ADAM7: variants seen among roughly 807,000 people sequenced by gnomAD.
The protein encoded by ADAM7 is ADAM metallopeptidase domain 7, also known as disintegrin and metalloproteinase domain-containing protein 7.
ADAM7 carries 97 observed loss-of-function variants against 102.9 expected under a neutral mutation model. The observed-to-expected ratio is 0.94, with a 90% CI of 0.80 to 1.12. The LOEUF is 1.12. ADAM7 is among the 50% of genes most tolerant of loss of function. The pLI is 0.00. For synonymous variants in ADAM7, 334 were observed against 304.4 expected, an observed-to-expected ratio of 1.10 and a Z score of -1.01; for missense variants, 991 against 908.7, an observed-to-expected ratio of 1.09 and a Z score of -1.16.
chr8:24,467,419 T>G (rs1391917609), intron 6 of ADAM7: 2 of 175,802 alleles, frequency 1.1e-5, no homozygotes, highest in African/African-American at 4.7e-5. Context: ...CAAGTTCAGT[T>G]TTTGGTGGGA....
At chr8:24,480,585 A>G (rs1313122553) in intron 8 of ADAM7, among the ~76,000 whole-genome samples, 1 of 152,182 alleles carries the variant, frequency 6.6e-6, no homozygotes, top group East Asian at 1.9e-4. Context: ...TGTTCTTATG[A>G]GAAGAAAATA....
intron 3 of ADAM7, among the ~76,000 whole-genome samples, chr8:24,456,404 TTGGC>T (rs2129377880): frequency 6.6e-6 from 1 of 152,330 alleles, no homozygotes; most frequent in South Asian, 2.1e-4. Context: ...ATTCCATAAT[TTGGC>T]TATTGTGAAT....
Position 24,482,165 on chromosome 8 carries a change from T to C in ADAM7, c.729T>C (p.His243=). ...AGATTTATAAAACCTTAAACATCCA[T>C]GTGACGTTGGTTGGCATTGAAATAT... is the stretch of plus-strand genomic sequence containing the variant. ...VNMIYKTLNI[H]VTLVGIEIWT... Residue 243 remains histidine (H), a synonymous_variant, in exon 9 of 22, where the codon CAT becomes CAC. Coordinates refer to ENST00000175238, the MANE Select transcript of ADAM7 (RefSeq NM_003817.4). The C allele has an allele frequency of 6.3e-7, 1 of 1,590,898 alleles. No homozygotes were observed. Among genetic ancestry groups the C allele is most frequent in the Non-Finnish European group, 8.5e-7 (1 of 1,173,660 alleles).
At chr8:24,465,029 C>A (rs896877443) in intron 4 of ADAM7, among the ~76,000 whole-genome samples, 3 of 152,246 alleles carry the variant, frequency 2.0e-5, no homozygotes, top group Non-Finnish European at 2.9e-5. Context: ...TTGTGATCCA[C>A]CCGCCTTGGC....
At position 24,492,586 on chromosome 8, in the gene ADAM7, C is replaced by T. The variant is rs369793122; in HGVS notation, c.1644C>T (p.Pro548=). 26 of 1,611,460 alleles carry T rather than the reference C, an allele frequency of 1.6e-5. No individual in the cohort carries two copies. Among genetic ancestry groups the T allele is most frequent in the Non-Finnish European group, 2.0e-5 (24 of 1,178,428 alleles). Residue 548 remains proline, a synonymous_variant, in exon 15 of 22, where the codon CCC becomes CCT. Coordinates refer to ENST00000175238, the MANE Select transcript of ADAM7 (RefSeq NM_003817.4). ...AAAACAAGGAAAACAGATTTCTTCC[C>T]TGTGAGGAGAAGTAAGTGCCCTGTG... is the stretch of plus-strand genomic sequence containing the variant. ...YCKNKENRFL[P]CEEKDVRCGK... is the part of the protein sequence containing the mutation.
At chr8:24,454,704 C>T (rs747649761) in intron 3 of ADAM7, among the ~76,000 whole-genome samples, 6 of 152,098 alleles carry the variant, frequency 3.9e-5, no homozygotes, top group East Asian at 1.9e-4. Flanking sequence ...GAGATGAACC[C>T]GGTACCTCAG....
chr8:24,479,590 C>G (rs941329412), intron 8 of ADAM7, among the ~76,000 whole-genome samples: 1 of 152,112 alleles, frequency 6.6e-6, no homozygotes, highest in Non-Finnish European at 1.5e-5. Flanking sequence ...CTGTCTCCCA[C>G]TGTGGTTGTT....
intron 3 of ADAM7, among the ~76,000 whole-genome samples, chr8:24,448,774 G>A (rs1239158148): frequency 6.6e-6 from 1 of 151,804 alleles, no homozygotes; most frequent in Non-Finnish European, 1.5e-5. Flanking sequence ...TCGTCATTTA[G>A]CATTAGGTAT....
At chr8:24,444,913 A>G (rs541013325) in intron 2 of ADAM7, among the ~76,000 whole-genome samples, 1 of 152,290 alleles carries the variant, frequency 6.6e-6, no homozygotes, top group South Asian at 2.1e-4. Context: ...GCTAATAAAC[A>G]GGGAAACCTG....
Position 24,473,326 on chromosome 8 carries a change from T to C in ADAM7, c.634-3107T>C, listed in dbSNP as rs75618439. The stretch of plus-strand genomic sequence containing the variant: ...TCAATGACTCATGCAGCTGCAGTAA[T>C]CTATTGTGTCCAATGGCTGGCTAGT... On this transcript the variant is annotated intron_variant, in intron 7 of 21. Transcript: ENST00000175238. Among the ~76,000 whole-genome samples the C allele has an allele frequency of 7.5e-3, 1,149 of 152,234 alleles. 15 individuals carry two copies. Among genetic ancestry groups the C allele is most frequent in the Middle Eastern group, 0.034 (10 of 294 alleles).
At position 24,466,874 on chromosome 8, in the gene ADAM7, G is replaced by A. The variant is rs1819443866; in HGVS notation, c.465G>A (p.Val155=). The change falls in exon 6 of 22, where the codon GTG becomes GTA. Residue 155 remains valine, a synonymous_variant. Transcript: ENST00000175238. Reference sequence around the variant, plus strand: ...ACTCAGATGAGGGAGAACATTTGGTGTTCAAATATAACCTGAGGGTGCCGT... The same window carrying A: ...ACTCAGATGAGGGAGAACATTTGGTATTCAAATATAACCTGAGGGTGCCGT... ...VKYSDEGEHL[V]FKYNLRVPYG... is the part of the protein sequence containing the mutation. 1.2e-6 allele frequency: 2 copies of A among 1,613,960 alleles called. No homozygotes were observed. The highest frequency in any genetic ancestry group is 1.7e-6 in the Non-Finnish European group (2 of 1,179,874).
chr8:24,441,373 G>A (rs1335944870), intron 1 of ADAM7, among the ~76,000 whole-genome samples: 1 of 152,218 alleles, frequency 6.6e-6, no homozygotes, highest in Non-Finnish European at 1.5e-5. Flanking sequence ...GAGGAGAAAG[G>A]AGTGGACAAG....
intron 2 of ADAM7, among the ~76,000 whole-genome samples, chr8:24,443,932 AAAAAAT>A (rs891609464): frequency 7.9e-6 from 1 of 126,964 alleles, no homozygotes; most frequent in African/African-American, 3.1e-5. Flanking sequence ...AGACTCTCTC[AAAAAAT>A]AAAAATAAAA....
intron 4 of ADAM7, 152 bp downstream of exon 4, chr8:24,464,112 T>A: frequency 1.5e-6 from 1 of 651,770 alleles, no homozygotes; most frequent in Non-Finnish European, 2.6e-6. Context: ...AATTATAGTA[T>A]AAAAATACGA....
chr8:24,452,147 C>T (rs1818819062), intron 3 of ADAM7, among the ~76,000 whole-genome samples: 1 of 151,426 alleles, frequency 6.6e-6, no homozygotes, highest in Non-Finnish European at 1.5e-5. Flanking sequence ...GTGGAGAGTT[C>T]TGTAGATGTC....
rs1437877417 is a variant in ADAM7, at chr8:24,500,299, C to T, written c.2002+43C>T. On this transcript the variant is annotated intron_variant, in intron 18 of 21. Coordinates refer to ENST00000175238, the MANE Select transcript of ADAM7 (RefSeq NM_003817.4). ...AAATCTTTCATATATCAAAAGCCTACCCAGCGAAAAAAGTTTTTCTTATTT... is the reference window on the plus strand; with the variant it reads ...AAATCTTTCATATATCAAAAGCCTATCCAGCGAAAAAAGTTTTTCTTATTT... 5.8e-6 allele frequency: 9 copies of T among 1,554,476 alleles called. No homozygotes were observed. In the African/African-American group the frequency reaches 1.1e-4, roughly 19 times the overall value.
At chr8:24,473,339 A>G (rs1207107075) in intron 7 of ADAM7, among the ~76,000 whole-genome samples, 2 of 152,106 alleles carry the variant, frequency 1.3e-5, no homozygotes, top group Non-Finnish European at 2.9e-5. Context: ...ATTGTGTCCA[A>G]TGGCTGGCTA....
chr8:24,507,444 T>C (rs1820990119), intron 20 of ADAM7, 36 bp from the exon 21 acceptor site: 20 of 1,548,064 alleles, frequency 1.3e-5, no homozygotes, highest in Non-Finnish European at 1.8e-5. Context: ...TAACATCTGA[T>C]GTGGCACATG....
Position 24,465,731 on chromosome 8 carries a change from C to T in ADAM7, c.345C>T (p.His115=), listed in dbSNP as rs34017992. The change falls in exon 5 of 22, where the codon CAC becomes CAT. Residue 115 remains histidine (H), a synonymous_variant. Transcript: ENST00000175238. The part of the protein sequence containing the change: ...DHCFYQGSIV[H]EYDSAASIST... ...GTTTTTACCAAGGATCCATAGTACACGAATATGATTCAGCTGCCAGTATCA... is the reference window on the plus strand; with the variant it reads ...GTTTTTACCAAGGATCCATAGTACATGAATATGATTCAGCTGCCAGTATCA... The T allele has an allele frequency of 4.6e-4, 741 of 1,610,366 alleles. 3 individuals carry two copies. In the African/African-American group the frequency reaches 9.1e-3, roughly 20 times the overall value.
Sources: gnomAD v4.1 joint callset for allele counts (sites outside exome capture counted in the v4.1 genomes callset) on GRCh38, gnomAD v4.1.1 for gene constraint, MANE v1.5 for transcripts, NCBI Gene and HGNC (gene_info 2026-07-23, HGNC 2026-07-21) for gene names.